The following EYA4 variants were observed in gnomAD, a reference collection of about 807,000 sequenced individuals.
EYA4 encodes the protein EYA transcriptional coactivator and phosphatase 4, also known as protein phosphatase EYA4.
Under a neutral mutation model 87.9 loss-of-function variants are expected in EYA4, and 31 were observed. That is an observed-to-expected ratio of 0.35 (90% CI 0.27 to 0.48). The LOEUF is 0.48. Among genes scored for constraint, EYA4 ranks in the 20% least tolerant of loss-of-function variants. The pLI, the probability that EYA4 is intolerant of heterozygous loss-of-function variation, is 0.99. For synonymous variants in EYA4, 263 were observed against 270.6 expected (o/e 0.97, Z 0.28); for missense variants, 678 against 761.4 (o/e 0.89, Z 1.29).
chr6:133,485,499 G>C (rs1054151678), intron 13 of EYA4, among the ~76,000 whole-genome samples: 9 of 152,218 alleles, frequency 5.9e-5, no homozygotes, highest in African/African-American at 2.2e-4. Flanking sequence ...CAACCAGTCA[G>C]TGGCAGAGAC....
chr6:133,262,358 C>A (rs1775867595), intron 1 of EYA4, among the ~76,000 whole-genome samples: 1 of 152,162 alleles, frequency 6.6e-6, no homozygotes. Flanking sequence ...AAATGCTCAG[C>A]AGAATAATTT....
At chr6:133,441,930 A>G (rs1053752716) in intron 3 of EYA4, among the ~76,000 whole-genome samples, 4 of 151,998 alleles carry the variant, frequency 2.6e-5, no homozygotes, top group African/African-American at 9.7e-5. Context: ...ATCTAACAAT[A>G]CATATATTTT....
intron 13 of EYA4, among the ~76,000 whole-genome samples, chr6:133,505,605 C>T (rs1383247538): frequency 6.6e-6 from 1 of 152,210 alleles, no homozygotes; most frequent in Non-Finnish European, 1.5e-5. Flanking sequence ...CCTCTGCCAG[C>T]TCTTCCTGTT....
At chr6:133,528,700 A>T in intron 19 of EYA4, 25 bp from the exon 20 acceptor site, 6 of 1,517,310 alleles carry the variant, frequency 4.0e-6, no homozygotes, top group Non-Finnish European at 5.5e-6. Flanking sequence ...TCTCTCTCCC[A>T]TCCCTCCTTC....
At chr6:133,411,102 A>G (rs775099369) in intron 3 of EYA4, among the ~76,000 whole-genome samples, 12 of 152,126 alleles carry the variant, frequency 7.9e-5, no homozygotes, top group Non-Finnish European at 1.6e-4. Context: ...GCATACAAGC[A>G]ACAAACGGTT....
At chr6:133,525,638 G>A (rs1200095641) in intron 19 of EYA4, among the ~76,000 whole-genome samples, 1 of 151,722 alleles carries the variant, frequency 6.6e-6, no homozygotes, top group Non-Finnish European at 1.5e-5. Flanking sequence ...AAGAAAGATT[G>A]GGGGGGAGAA....
At chr6:133,296,623 GTAT>G (rs1237455332) in intron 2 of EYA4, among the ~76,000 whole-genome samples, 1 of 152,176 alleles carries the variant, frequency 6.6e-6, no homozygotes, top group Non-Finnish European at 1.5e-5. Flanking sequence ...TTGACCCTAA[GTAT>G]TATGATGAGA....
chr6:133,502,453 A>G (rs1302724317), intron 13 of EYA4: 1 of 152,198 alleles, frequency 6.6e-6, no homozygotes, highest in Non-Finnish European at 1.5e-5. Context: ...GGTTCAATCC[A>G]GAAGTATGTT....
intron 1 of EYA4, among the ~76,000 whole-genome samples, chr6:133,255,235 AG>A (rs566130720): frequency 1.3e-3 from 205 of 152,136 alleles, no homozygotes; most frequent in Non-Finnish European, 2.3e-3. Flanking sequence ...ATGCTGCTAA[AG>A]CAAGTTTTTT....
At chr6:133,315,024 C>T (rs1188412830) in intron 2 of EYA4, among the ~76,000 whole-genome samples, 2 of 152,170 alleles carry the variant, frequency 1.3e-5, no homozygotes, top group African/African-American at 4.8e-5. Context: ...ACTGTTGCGT[C>T]TCCCCAGCTA....
intron 2 of EYA4, among the ~76,000 whole-genome samples, chr6:133,292,482 C>T (rs17062299): frequency 0.034 from 5,180 of 152,020 alleles, 287 homozygotes; most frequent in African/African-American, 0.12. Context: ...AATTGAAGGC[C>T]TTAGGATATG....
At chr6:133,328,219 T>C (rs1781655187) in intron 2 of EYA4, among the ~76,000 whole-genome samples, 1 of 152,178 alleles carries the variant, frequency 6.6e-6, no homozygotes. Context: ...GTTGATTATG[T>C]GAGGATTAAA....
At chr6:133,294,945 CTTAT>C (rs1384887999) in intron 2 of EYA4, among the ~76,000 whole-genome samples, 2 of 152,098 alleles carry the variant, frequency 1.3e-5, no homozygotes, top group Admixed American at 6.5e-5. Flanking sequence ...AACTTTCTCT[CTTAT>C]TTGAGTATCT....
At chr6:133,454,600 G>T (rs2128639766) in intron 5 of EYA4, among the ~76,000 whole-genome samples, 1 of 152,254 alleles carries the variant, frequency 6.6e-6, no homozygotes, top group Non-Finnish European at 1.5e-5. Flanking sequence ...GTTGAGAGGA[G>T]TAAATCAGTA....
intron 3 of EYA4, among the ~76,000 whole-genome samples, chr6:133,385,126 C>T (rs920713875): frequency 1.6e-4 from 24 of 151,570 alleles, no homozygotes; most frequent in Non-Finnish European, 3.2e-4. Flanking sequence ...AGTGAAACCC[C>T]GTCTCTACTA....
intron 17 of EYA4, among the ~76,000 whole-genome samples, chr6:133,519,293 A>C (rs1243491732): frequency 2.6e-5 from 4 of 151,994 alleles, no homozygotes; most frequent in African/African-American, 4.8e-5. Context: ...AAATAGACGC[A>C]ATAAAAAATG....
At chr6:133,395,162 A>G (rs1787674797) in intron 3 of EYA4, among the ~76,000 whole-genome samples, 1 of 152,084 alleles carries the variant, frequency 6.6e-6, no homozygotes, top group South Asian at 2.1e-4. Flanking sequence ...TTCTGGATAG[A>G]TGAGGTTATC....
chr6:133,413,308 G>A (rs181439336), intron 3 of EYA4, among the ~76,000 whole-genome samples: 79 of 152,086 alleles, frequency 5.2e-4, no homozygotes, highest in African/African-American at 1.5e-3. Context: ...CCCACTTCAC[G>A]GATAAATTAA....
At chr6:133,447,443 G>A (rs212782) in intron 4 of EYA4, among the ~76,000 whole-genome samples, 145,729 of 152,270 alleles carry the variant, frequency 0.96, 69,789 homozygotes, top group East Asian at 1. Flanking sequence ...ATGTGTGTTT[G>A]TAGAGATTAT....
Sources: allele counts gnomAD v4.1 joint callset (sites outside exome capture counted in the v4.1 genomes callset), GRCh38; gene constraint gnomAD v4.1.1; transcripts MANE v1.5; gene names NCBI Gene and HGNC (gene_info 2026-07-23, HGNC 2026-07-21).